The following PTPRO variants were observed in gnomAD, a reference collection of about 807,000 sequenced individuals.
PTPRO encodes receptor-type tyrosine-protein phosphatase O.
In PTPRO, 62 loss-of-function variants were observed where a neutral mutation model predicts 145.2. The observed-to-expected ratio is 0.43, with a 90% confidence interval of 0.35 to 0.53. The LOEUF is 0.53. Ranked by LOEUF, PTPRO falls within the 20% of genes least tolerant of loss-of-function variation. The pLI is 0.01. For synonymous variants in PTPRO, 565 were observed against 514.7 expected (o/e 1.10, Z -1.32); for missense variants, 1,345 against 1,482.7 (o/e 0.91, Z 1.53).
chr12:15,477,198 G>A (rs952429427), intron 1 of PTPRO, among the ~76,000 whole-genome samples: 2 of 93,744 alleles, frequency 2.1e-5, no homozygotes, highest in Admixed American at 2.4e-4. Context: ...CATGTCCTTT[G>A]TAGGGACATG....
At chr12:15,548,416 T>C (rs972865818) in intron 13 of PTPRO, among the ~76,000 whole-genome samples, 6 of 152,126 alleles carry the variant, frequency 3.9e-5, no homozygotes, top group African/African-American at 1.4e-4. Context: ...GACTCAGCAG[T>C]TCAAAGAATG....
chr12:15,421,400 GA>G (rs1940141292), intron 1 of PTPRO, among the ~76,000 whole-genome samples: 1 of 152,160 alleles, frequency 6.6e-6, no homozygotes, highest in Non-Finnish European at 1.5e-5. Flanking sequence ...AGAGAGAAGG[GA>G]GAGAGTTAAG....
intron 7 of PTPRO, among the ~76,000 whole-genome samples, chr12:15,509,130 C>T (rs181021358): frequency 2.0e-5 from 3 of 152,172 alleles, no homozygotes; most frequent in Non-Finnish European, 2.9e-5. Flanking sequence ...AATGACTGCA[C>T]TGTATGGAAT....
chr12:15,342,180 C>A (rs1867017254), intron 1 of PTPRO, among the ~76,000 whole-genome samples: 1 of 152,094 alleles, frequency 6.6e-6, no homozygotes, highest in South Asian at 2.1e-4. Flanking sequence ...TTTCTGTCAC[C>A]TGAAGTCACA....
At chr12:15,413,922 TA>T (rs1294101568) in intron 1 of PTPRO, among the ~76,000 whole-genome samples, 2 of 152,192 alleles carry the variant, frequency 1.3e-5, no homozygotes, top group African/African-American at 4.8e-5. Flanking sequence ...AAACAAGTTT[TA>T]AAATTTCTGA....
intron 1 of PTPRO, among the ~76,000 whole-genome samples, chr12:15,441,941 C>T (rs1940778273): frequency 2.0e-5 from 3 of 152,074 alleles, no homozygotes; most frequent in Non-Finnish European, 4.4e-5. Flanking sequence ...AAGCTGGTAC[C>T]AATTTTACTG....
At chr12:15,583,967 G>T (rs1360799992) in intron 23 of PTPRO, among the ~76,000 whole-genome samples, 5 of 152,118 alleles carry the variant, frequency 3.3e-5, no homozygotes, top group Non-Finnish European at 1.5e-5. Flanking sequence ...AATTCACATT[G>T]CTTCCTTGTT....
rs1944692643 is a variant in PTPRO at position 15,598,016 on chromosome 12, CT to C, written c.*1944del. 6.6e-6 allele frequency among the ~76,000 whole-genome samples: 1 copy of C among 152,138 alleles called. No homozygotes were observed. The highest frequency in any genetic ancestry group is 1.5e-5 in the Non-Finnish European group (1 of 68,026). On this transcript the variant is annotated 3_prime_UTR_variant, in exon 27 of 27. Transcript: ENST00000281171. ...TCAGAGCATACAGAAGTTTTGCATCCTGGAACATTGCTTCCCATGAAACAAA... is the reference window on the plus strand; with the variant it reads ...TCAGAGCATACAGAAGTTTTGCATCCGGAACATTGCTTCCCATGAAACAAA...
At chr12:15,355,878 A>G (rs954070971) in intron 1 of PTPRO, among the ~76,000 whole-genome samples, 2 of 152,218 alleles carry the variant, frequency 1.3e-5, no homozygotes, top group Non-Finnish European at 2.9e-5. Flanking sequence ...GCAAAGGAGA[A>G]CAGCCATATA....
At chr12:15,592,420 C>T (rs1027805795) in intron 25 of PTPRO, among the ~76,000 whole-genome samples, 2 of 152,168 alleles carry the variant, frequency 1.3e-5, no homozygotes, top group Admixed American at 6.5e-5. Flanking sequence ...TCACTGGTAT[C>T]TAATTTTCCA....
rs1298354514 is a variant in PTPRO, at chr12:15,557,480, A to G, written c.2584A>G (p.Asn862Asp). 2 of 1,613,782 alleles carry G rather than the reference A, an allele frequency of 1.2e-6. No homozygotes were observed. Among genetic ancestry groups the G allele is most frequent in the African/African-American group, 1.3e-5 (1 of 74,858 alleles). ...GGAGTGTGGAGCTGGTACATTTGTCAATTTTGCATCCTTAGAGAGGGATGG... is the reference window on the plus strand; with the variant it reads ...GGAGTGTGGAGCTGGTACATTTGTCGATTTTGCATCCTTAGAGAGGGATGG... ...ARECGAGTFV[N>D]FASLERDGKL... Residue 862 changes from asparagine (N) to aspartate (D), a missense_variant, in exon 16 of 27, where the codon AAT (asparagine) becomes GAT (aspartate). Physicochemically the swap from Asn to Asp is conservative, Grantham distance 23. Coordinates refer to ENST00000281171, the MANE Select transcript of PTPRO (RefSeq NM_030667.3).
intron 1 of PTPRO, among the ~76,000 whole-genome samples, chr12:15,390,337 T>G (rs984092713): frequency 6.6e-6 from 1 of 152,158 alleles, no homozygotes. Context: ...AGAAATTTAA[T>G]AAACTCACAA....
At chr12:15,515,768 GA>G (rs1942563988) in intron 8 of PTPRO, 150 bp downstream of exon 8, 8 of 1,081,998 alleles carry the variant, frequency 7.4e-6, no homozygotes, top group Admixed American at 2.0e-5. Flanking sequence ...TAAATAACAA[GA>G]ATTGTATACT....
At chr12:15,482,061 G>A (rs1009546161) in intron 1 of PTPRO, among the ~76,000 whole-genome samples, 11 of 152,022 alleles carry the variant, frequency 7.2e-5, no homozygotes, top group African/African-American at 2.7e-4. Flanking sequence ...GCACTCCCAT[G>A]TCTATTGCAG....
chr12:15,428,217 C>T (rs1288072336), intron 1 of PTPRO, among the ~76,000 whole-genome samples: 1 of 152,148 alleles, frequency 6.6e-6, no homozygotes, highest in Non-Finnish European at 1.5e-5. Context: ...ACAACAGCAT[C>T]ACTGTTTTCA....
chr12:15,484,085 G>A lies in PTPRO; in HGVS notation c.187G>A (p.Glu63Lys). ...TGTGTATGTTGTGAAGATAACTGGT[G>A]AATCCAAAAATTATTTCTTCGAATT... Reference protein sequence around the residue: ...ASVYVVKITGESKNYFFEFEE... With the variant: ...ASVYVVKITGKSKNYFFEFEE... The change falls in exon 2 of 27, where the codon GAA becomes AAA. Residue 63 changes from glutamate (E) to lysine (K), a missense_variant. Physicochemically the swap from Glu to Lys is moderately conservative, Grantham distance 56 (BLOSUM62 1). Coordinates refer to ENST00000281171, the MANE Select transcript of PTPRO (RefSeq NM_030667.3). 1 of 1,613,802 alleles carries A rather than the reference G, an allele frequency of 6.2e-7. No individual in the cohort carries two copies. Among genetic ancestry groups the A allele is most frequent in the Non-Finnish European group, 8.5e-7 (1 of 1,179,800 alleles).
intron 1 of PTPRO, among the ~76,000 whole-genome samples, chr12:15,328,452 T>C (rs1462509223): frequency 6.6e-6 from 1 of 152,214 alleles, no homozygotes; most frequent in Non-Finnish European, 1.5e-5. Context: ...CAGAAGATGT[T>C]TGAAACAAGG....
At chr12:15,393,616 T>G (rs1407764762) in intron 1 of PTPRO, among the ~76,000 whole-genome samples, 1 of 150,452 alleles carries the variant, frequency 6.6e-6, no homozygotes, top group Admixed American at 6.7e-5. Context: ...GGCCTTGCTC[T>G]AGTACACTAG....
At chr12:15,517,160 T>C (rs1942616813) in intron 9 of PTPRO, 2 of 626,016 alleles carry the variant, frequency 3.2e-6, no homozygotes, top group African/African-American at 1.8e-5. Flanking sequence ...GACTTACAGT[T>C]CCACGTGGCT....
Sources: gnomAD v4.1 joint callset for allele counts (sites outside exome capture counted in the v4.1 genomes callset) on GRCh38, gnomAD v4.1.1 for gene constraint, MANE v1.5 for transcripts, NCBI Gene and HGNC (gene_info 2026-07-23, HGNC 2026-07-21) for gene names.